Variants in FBXL17 observed in about 807,000 individuals in gnomAD.
The protein encoded by FBXL17 is F-box and leucine rich repeat protein 17, also known as F-box/LRR-repeat protein 17.
FBXL17 carries 22 observed loss-of-function variants against 66.2 expected under a neutral mutation model. The observed-to-expected ratio is 0.33, with a 90% CI of 0.24 to 0.47. FBXL17 has a LOEUF of 0.47. Among genes scored for constraint, FBXL17 ranks in the 20% least tolerant of loss-of-function variants. FBXL17 has a pLI of 1.00. For synonymous variants in FBXL17, 474 were observed against 400.5 expected (o/e 1.18, Z -2.19); for missense variants, 878 against 948.2 (o/e 0.93, Z 0.97).
At chr5:108,001,916 T>C (rs1265296228) in intron 7 of FBXL17, among the ~76,000 whole-genome samples, 2 of 152,114 alleles carry the variant, frequency 1.3e-5, no homozygotes, top group African/African-American at 4.8e-5. Context: ...TAAAGAATCT[T>C]GATGATTCTA....
intron 6 of FBXL17, among the ~76,000 whole-genome samples, chr5:108,044,121 A>T (rs73206557): frequency 0.048 from 7,262 of 152,178 alleles, 565 homozygotes; most frequent in African/African-American, 0.16. Context: ...CAATTCGGTC[A>T]TCTGTAAATA....
At position 108,038,160 on chromosome 5, in the gene FBXL17, T is replaced by C. The variant is rs148105341; in HGVS notation, c.1746-17159A>G. The stretch of plus-strand genomic sequence containing the variant: ...GAGCTATATCAACCAAATGAAACAC[T>C]TGACCTAACTTGGATCCTAATTTGA... On this transcript the variant is annotated intron_variant, in intron 6 of 8. Transcript: ENST00000542267. Among the ~76,000 whole-genome samples the C allele has an allele frequency of 8.3e-3, 1,263 of 152,262 alleles. 24 individuals carry two copies. The highest frequency in any genetic ancestry group is 0.029 in the African/African-American group (1,208 of 41,562).
chr5:107,968,078 A>T (rs1752223991), intron 7 of FBXL17, among the ~76,000 whole-genome samples: 2 of 152,168 alleles, frequency 1.3e-5, no homozygotes, highest in Non-Finnish European at 2.9e-5. Flanking sequence ...TAAGTTTTAA[A>T]ACTAGACTTG....
intron 8 of FBXL17, among the ~76,000 whole-genome samples, chr5:107,875,756 A>C (rs1006690660): frequency 6.6e-6 from 1 of 152,236 alleles, no homozygotes. Context: ...GAACTTCAGG[A>C]ATTGGGGCAG....
chr5:108,372,773 G>C (rs1436836144), intron 1 of FBXL17, among the ~76,000 whole-genome samples: 1 of 152,100 alleles, frequency 6.6e-6, no homozygotes, highest in Non-Finnish European at 1.5e-5. Flanking sequence ...ATACTATAAA[G>C]AGTCCATCAG....
rs111698793 is a variant in FBXL17, at chr5:108,359,961, T to G, written c.1374+4777A>C. Among the ~76,000 whole-genome samples, 1,058 of 152,244 alleles carry G rather than the reference T, an allele frequency of 6.9e-3. 15 individuals carry two copies. The highest frequency in any genetic ancestry group is 0.024 in the African/African-American group (1,004 of 41,572). On this transcript the variant is annotated intron_variant, in intron 3 of 8. Transcript: ENST00000542267. ...TCTTTCAATTTTTGCTATATATATT[T>G]TAAGGATTCTGTTGTTAGGTACATA...
At chr5:107,908,056 C>G (rs1008895603) in intron 7 of FBXL17, among the ~76,000 whole-genome samples, 1 of 152,160 alleles carries the variant, frequency 6.6e-6, no homozygotes, top group Non-Finnish European at 1.5e-5. Context: ...AAATGTCCAA[C>G]AATGATAGAC....
At chr5:108,038,298 T>C (rs1361251195) in intron 6 of FBXL17, among the ~76,000 whole-genome samples, 1 of 152,122 alleles carries the variant, frequency 6.6e-6, no homozygotes, top group Non-Finnish European at 1.5e-5. Flanking sequence ...AACAGGACTG[T>C]ATGTGTACAT....
chr5:108,085,241 G>C (rs1748923444), intron 6 of FBXL17, among the ~76,000 whole-genome samples: 2 of 152,186 alleles, frequency 1.3e-5, no homozygotes, highest in South Asian at 4.1e-4. Context: ...AAAGATAACT[G>C]GTTTTTAGTA....
chr5:108,245,960 T>C (rs1756076799), intron 4 of FBXL17, among the ~76,000 whole-genome samples: 1 of 152,146 alleles, frequency 6.6e-6, no homozygotes, highest in Admixed American at 6.5e-5. Context: ...TCAATAAATA[T>C]TTATTGAATA....
At chr5:108,260,034 C>CAA (rs72240923) in intron 4 of FBXL17, among the ~76,000 whole-genome samples, 6,319 of 140,728 alleles carry the variant, frequency 0.045, 708 homozygotes, top group East Asian at 0.4. Context: ...AAAAAAAAAA[C>CAA]AAAAAAAAAA....
At chr5:107,909,181 C>A (rs1749866189) in intron 7 of FBXL17, among the ~76,000 whole-genome samples, 1 of 152,112 alleles carries the variant, frequency 6.6e-6, no homozygotes, top group African/African-American at 2.4e-5. Flanking sequence ...GGGAGTATTT[C>A]CAGTCAGACC....
At chr5:108,289,431 A>T (rs1758024141) in intron 4 of FBXL17, among the ~76,000 whole-genome samples, 1 of 152,128 alleles carries the variant, frequency 6.6e-6, no homozygotes, top group African/African-American at 2.4e-5. Flanking sequence ...ACACAAATAA[A>T]CAATGGACCA....
chr5:108,272,921 G>A (rs190818556), intron 4 of FBXL17, among the ~76,000 whole-genome samples: 153 of 152,246 alleles, frequency 1.0e-3, no homozygotes, highest in African/African-American at 3.5e-3. Flanking sequence ...CGATATTCAC[G>A]TAGGTTCTTT....
chr5:108,120,276 C>T lies in FBXL17; in HGVS notation c.1745+65841G>A, dbSNP rs369155844. 2.6e-5 allele frequency among the ~76,000 whole-genome samples: 4 copies of T among 152,216 alleles called. No homozygotes were observed. The East Asian group carries it at 7.7e-4, about 29-fold the overall frequency. ...TTATCCAAATTTAATGAAAAAGTGG[C>T]TTATAAGATGGAAGTTCTGTAAATA... On this transcript the variant is annotated intron_variant, in intron 6 of 8. Coordinates refer to ENST00000542267, the MANE Select transcript of FBXL17 (RefSeq NM_001163315.3).
chr5:107,905,910 T>C (rs1363311559), intron 7 of FBXL17, among the ~76,000 whole-genome samples: 1 of 152,218 alleles, frequency 6.6e-6, no homozygotes, highest in East Asian at 1.9e-4. Flanking sequence ...TGTGCATATA[T>C]GCCTCTGGGC....
intron 7 of FBXL17, among the ~76,000 whole-genome samples, chr5:107,914,496 CA>C (rs1212904314): frequency 1.3e-5 from 2 of 152,160 alleles, no homozygotes; most frequent in Non-Finnish European, 2.9e-5. Flanking sequence ...CTTTAAGAAT[CA>C]GGCCATCCCG....
intron 7 of FBXL17, among the ~76,000 whole-genome samples, chr5:107,963,948 T>C (rs1752021179): frequency 6.6e-6 from 1 of 152,194 alleles, no homozygotes. Flanking sequence ...ATCCTTTAAA[T>C]ATTTCTGAAG....
intron 7 of FBXL17, among the ~76,000 whole-genome samples, chr5:108,013,714 T>TA (rs1380643383): frequency 6.6e-6 from 1 of 152,040 alleles, no homozygotes; most frequent in Non-Finnish European, 1.5e-5. Context: ...GAAACAAAAA[T>TA]AAAAAACCAG....
Sources: gnomAD v4.1 joint callset for allele counts (sites outside exome capture counted in the v4.1 genomes callset) on GRCh38, gnomAD v4.1.1 for gene constraint, MANE v1.5 for transcripts, NCBI Gene and HGNC (gene_info 2026-07-23, HGNC 2026-07-21) for gene names.